The following SFI1 variants were observed in gnomAD, a reference collection of about 807,000 sequenced individuals.
SFI1 encodes protein SFI1 homolog.
Under a neutral mutation model 207.5 loss-of-function variants are expected in SFI1, and 195 were observed. The ratio of observed to expected loss-of-function variants is 0.94; its 90% CI spans 0.84 to 1.06. The LOEUF is 1.06. SFI1 is among the 50% of genes least tolerant of loss of function. SFI1 has a pLI of 0.00. For missense variants in SFI1, 1,634 were observed against 1,588.0 expected, an observed-to-expected ratio of 1.03 and a Z score of -0.49; for synonymous variants, 630 against 598.9, an observed-to-expected ratio of 1.05 and a Z score of -0.76.
chr22:31,613,940 G>A (rs1340261466), intron 27 of SFI1, 85 bp downstream of exon 27: 5 of 1,450,976 alleles, frequency 3.4e-6, no homozygotes, highest in South Asian at 2.8e-5. Flanking sequence ...CAGCCCTGAC[G>A]GGATGGGACG....
At chr22:31,508,418 G>A in intron 2 of SFI1, 42 bp downstream of exon 2, 1 of 1,357,090 alleles carries the variant, frequency 7.4e-7, no homozygotes, top group South Asian at 1.2e-5. Context: ...CTGGAATGAT[G>A]GTTCATATAA....
chr22:31,562,719 T>C (rs1198328433), intron 8 of SFI1, among the ~76,000 whole-genome samples: 1 of 151,884 alleles, frequency 6.6e-6, no homozygotes, highest in Non-Finnish European at 1.5e-5. Flanking sequence ...CTGCAAGCTC[T>C]GCCTCCTGGG....
chr22:31,606,583 G>A (rs1185855602), intron 21 of SFI1, 153 bp downstream of exon 21: 2 of 575,824 alleles, frequency 3.5e-6, no homozygotes, highest in Non-Finnish European at 6.2e-6. Flanking sequence ...AAACATCCAT[G>A]TGGGCACATG....
At chr22:31,575,105 TGTGTG>T (rs2063344444) in intron 9 of SFI1, 121 bp from the exon 10 acceptor site, 3 of 442,040 alleles carry the variant, frequency 6.8e-6, no homozygotes, top group Non-Finnish European at 1.1e-5. Flanking sequence ...TGTGTGTGTG[TGTGTG>T]TGTGTGTGTG....
intron 4 of SFI1, among the ~76,000 whole-genome samples, chr22:31,545,564 A>T (rs199606793): frequency 1.6e-5 from 2 of 126,212 alleles, no homozygotes; most frequent in South Asian, 2.4e-4. Flanking sequence ...AATTTAATTT[A>T]ATTTAATTTA....
chr22:31,521,270 C>T, intron 2 of SFI1: 1 of 187,668 alleles, frequency 5.3e-6, no homozygotes. Flanking sequence ...CCATCACCAG[C>T]AATTGTAGCC....
At chr22:31,510,949 G>C (rs1451636156) in intron 2 of SFI1, among the ~76,000 whole-genome samples, 1 of 152,036 alleles carries the variant, frequency 6.6e-6, no homozygotes, top group Non-Finnish European at 1.5e-5. Flanking sequence ...GTAAAGACTT[G>C]TCAGTTTTAA....
At chr22:31,515,383 C>T (rs1449388243) in intron 2 of SFI1, among the ~76,000 whole-genome samples, 2 of 150,480 alleles carry the variant, frequency 1.3e-5, no homozygotes, top group Non-Finnish European at 3.0e-5. Flanking sequence ...GGATCTCATT[C>T]TTTTACCCAG....
intron 27 of SFI1, chr22:31,614,473 C>T: frequency 1.9e-6 from 1 of 539,796 alleles, no homozygotes; most frequent in South Asian, 1.6e-5. Flanking sequence ...GTTTGACTGA[C>T]CTTGATGGGA....
At chr22:31,592,930 G>A (rs1162772435) in intron 15 of SFI1, among the ~76,000 whole-genome samples, 3 of 118,620 alleles carry the variant, frequency 2.5e-5, no homozygotes, top group African/African-American at 1.1e-4. Context: ...CAGTAGGGGC[G>A]GCCGGGCAGA....
At chr22:31,561,991 G>A (rs1454381753) in intron 8 of SFI1, among the ~76,000 whole-genome samples, 1 of 152,156 alleles carries the variant, frequency 6.6e-6, no homozygotes, top group African/African-American at 2.4e-5. Context: ...ATTAGTGCCT[G>A]TTTCCAAATG....
intron 2 of SFI1, among the ~76,000 whole-genome samples, chr22:31,510,401 A>G (rs955961070): frequency 6.6e-6 from 1 of 151,490 alleles, no homozygotes; most frequent in Non-Finnish European, 1.5e-5. Context: ...AATTTTTTTT[A>G]CTTGTTAGAG....
chr22:31,604,820 G>A (rs200926668), intron 19 of SFI1, 49 bp from the exon 20 acceptor site: 20 of 1,552,710 alleles, frequency 1.3e-5, no homozygotes, highest in Non-Finnish European at 1.6e-5. Context: ...GCCTAAACAG[G>A]GGGAAGTGTG....
Position 31,557,086 on chromosome 22 carries a change from G to T in SFI1, c.662+27G>T, listed in dbSNP as rs1398524480. 4 of 1,421,160 alleles carry T rather than the reference G, an allele frequency of 2.8e-6. No individual in the cohort carries two copies. In the South Asian group the frequency reaches 5.0e-5, roughly 18 times the overall value. 88.0% of individuals were successfully genotyped at this position (1,421,160 alleles called of 1,614,324 possible). On this transcript the variant is annotated intron_variant, in intron 7 of 32. Transcript: ENST00000400288. ...TGAGTCTGCTCAACTGCCCTACAAA[G>T]TACCAGCCATCATTTTACCTCATCA... is the stretch of plus-strand genomic sequence containing the variant.
intron 27 of SFI1, 187 bp from the exon 28 acceptor site, chr22:31,614,602 G>A (rs1015309016): frequency 2.0e-5 from 14 of 714,424 alleles, no homozygotes; most frequent in East Asian, 1.3e-4. Flanking sequence ...GTCCCCTGGC[G>A]TCAGGTACCT....
chr22:31,543,723 T>A (rs954326417), intron 4 of SFI1, among the ~76,000 whole-genome samples: 3 of 149,528 alleles, frequency 2.0e-5, no homozygotes, highest in Non-Finnish European at 4.4e-5. Context: ...GGCAGGAGAA[T>A]CCTTTGAACC....
rs1279939085 is a variant in SFI1, at chr22:31,613,146, C to A, written c.2495C>A (p.Ala832Glu). The A allele has an allele frequency of 6.2e-7, 1 of 1,613,394 alleles. No homozygotes were observed. The highest frequency in any genetic ancestry group is 1.1e-5 in the South Asian group (1 of 91,078). Residue 832 changes from alanine (A) to glutamate (E), a missense_variant, in exon 25 of 33, where the codon GCA becomes GAA. Coordinates refer to ENST00000400288, the MANE Select transcript of SFI1 (RefSeq NM_001007467.3). ...TCFRQWRQQL[A>E]ARRQEQRATV... ...ATCTGGTCTTTCTGGCCCTAGCTGG[C>A]AGCCAGGAGGCAGGAGCAGCGGGCG...
chr22:31,582,204 T>TATA (rs772735368), intron 12 of SFI1, among the ~76,000 whole-genome samples: 942 of 15,844 alleles, frequency 0.059, 212 homozygotes, highest in South Asian at 0.14. Flanking sequence ...CTTTATTACA[T>TATA]TTTATATATA....
At chr22:31,521,795 A>G (rs2057300520) in intron 2 of SFI1, among the ~76,000 whole-genome samples, 1 of 151,194 alleles carries the variant, frequency 6.6e-6, no homozygotes, top group South Asian at 2.1e-4. Context: ...AGACAGTCTC[A>G]CTGTGTTGCC....
Sources: gnomAD v4.1 joint callset for allele counts (sites outside exome capture counted in the v4.1 genomes callset) on GRCh38, gnomAD v4.1.1 for gene constraint, MANE v1.5 for transcripts, NCBI Gene and HGNC (gene_info 2026-07-23, HGNC 2026-07-21) for gene names.